RRM2: variants seen among roughly 807,000 people sequenced by gnomAD.
RRM2 encodes the protein ribonucleotide reductase regulatory subunit M2, also known as ribonucleoside-diphosphate reductase subunit M2.
A neutral mutation model predicts 45.9 loss-of-function variants in RRM2; 6 were observed. That is an observed-to-expected ratio of 0.13 (90% CI 0.07 to 0.26). The LOEUF (loss-of-function observed/expected upper bound fraction) is 0.26. Among genes scored for constraint, RRM2 ranks in the 10% least tolerant of loss-of-function variants. The probability of loss-of-function intolerance (pLI) is 1.00; values close to 1 mark genes in which losing one functional copy is unlikely to be tolerated. For synonymous variants in RRM2, 177 were observed against 173.0 expected (o/e 1.02, Z -0.18); for missense variants, 343 against 489.5 (o/e 0.70, Z 2.82).
chr2:10,165,902 G>T (rs1390921231), intron 3 of RRM2, among the ~76,000 whole-genome samples: 1 of 152,206 alleles, frequency 6.6e-6, no homozygotes, highest in East Asian at 1.9e-4. Flanking sequence ...CAGATCTTTT[G>T]CTGAGGAGCT....
At chr2:10,203,489 G>A (rs1434253634) in intron 3 of RRM2, among the ~76,000 whole-genome samples, 2 of 152,110 alleles carry the variant, frequency 1.3e-5, no homozygotes, top group South Asian at 2.1e-4. Flanking sequence ...AGTGGCTCAC[G>A]CCTGTAATCC....
chr2:10,164,731 T>C (rs1663645127), intron 3 of RRM2, among the ~76,000 whole-genome samples: 1 of 152,194 alleles, frequency 6.6e-6, no homozygotes, highest in Admixed American at 6.5e-5. Flanking sequence ...CCATTTCCTA[T>C]CTGGGCGGCC....
intron 3 of RRM2, among the ~76,000 whole-genome samples, chr2:10,164,340 C>G (rs568186774): frequency 6.6e-6 from 1 of 152,206 alleles, no homozygotes; most frequent in Non-Finnish European, 1.5e-5. Context: ...ATCATATCAT[C>G]TATCCACATC....
At chr2:10,182,261 C>T (rs1664075304) in intron 3 of RRM2, among the ~76,000 whole-genome samples, 1 of 151,930 alleles carries the variant, frequency 6.6e-6, no homozygotes, top group African/African-American at 2.4e-5. Context: ...TTGCTTAAAC[C>T]CGGGAGGCGG....
exon 4 of RRM2, chr2:10,210,832 G>A: frequency 2.9e-6 from 1 of 349,026 alleles, no homozygotes; most frequent in South Asian, 2.2e-5. Context: ...GGCCGTGAGG[G>A]TGGAGACCCA....
At position 10,126,183 on chromosome 2, in the gene RRM2, AAAAAAAAAAGC is replaced by A. The variant is rs1662775627; in HGVS notation, c.570-691_570-681del. 3.9e-5 allele frequency among the ~76,000 whole-genome samples: 2 copies of A among 51,434 alleles called. 1 individual carries two copies. The highest frequency in any genetic ancestry group is 1.8e-4 in the African/African-American group (2 of 11,194). 33.7% of individuals were successfully genotyped at this position (51,434 alleles called of 152,430 possible). ...TCTTTAAAAAAAAAAAAAAAAAAAA[AAAAAAAAAAGC>A]TGCCCAATGTCTGGTGCCCTTGGCT... On this transcript the variant is annotated intron_variant, in intron 5 of 9. Transcript: ENST00000304567.
intron 4 of RRM2, 50 bp downstream of exon 4, chr2:10,123,902 C>A (rs770553758): frequency 9.8e-6 from 10 of 1,019,082 alleles, no homozygotes; most frequent in South Asian, 1.3e-5. Flanking sequence ...GATCTGAGGT[C>A]GAACTAGTTC....
Position 10,196,388 on chromosome 2 carries a change from A to G in RRM2, n.483-13923A>G, listed in dbSNP as rs529100044. On this transcript the variant is annotated intron_variant and non_coding_transcript_variant, in intron 3 of 3. Transcript: ENST00000381786. ...GGGTTTCATCTCGGGACACAGTGGCATTAGGGATCGGCAGAGACCAGCAGG... is the reference window on the plus strand; with the variant it reads ...GGGTTTCATCTCGGGACACAGTGGCGTTAGGGATCGGCAGAGACCAGCAGG... 2.0e-5 allele frequency among the ~76,000 whole-genome samples: 3 copies of G among 152,288 alleles called. No homozygotes were observed. In the South Asian group the frequency reaches 6.2e-4, roughly 32 times the overall value.
intron 3 of RRM2, among the ~76,000 whole-genome samples, chr2:10,175,551 C>T (rs1558397575): frequency 6.6e-6 from 1 of 152,130 alleles, no homozygotes; most frequent in Non-Finnish European, 1.5e-5. Context: ...CTCCCCGCAG[C>T]CCCTGGTAAA....
intron 3 of RRM2, among the ~76,000 whole-genome samples, chr2:10,173,479 C>G (rs547665972): frequency 6.6e-6 from 1 of 152,148 alleles, no homozygotes; most frequent in Non-Finnish European, 1.5e-5. Flanking sequence ...CCAGCACCCC[C>G]GCAAACCTCC....
intron 3 of RRM2, among the ~76,000 whole-genome samples, chr2:10,189,362 C>T (rs2125328225): frequency 6.6e-6 from 1 of 152,328 alleles, no homozygotes; most frequent in African/African-American, 2.4e-5. Context: ...ACAGGAATGG[C>T]TCATCAGCCA....
At chr2:10,156,190 T>C (rs1663420933) in intron 3 of RRM2, 2 of 152,258 alleles carry the variant, frequency 1.3e-5, no homozygotes, top group Admixed American at 6.5e-5. Context: ...GAGAATTGGC[T>C]TGTGTCACAC....
intron 5 of RRM2, among the ~76,000 whole-genome samples, chr2:10,125,682 C>A (rs7577887): frequency 0.74 from 112,783 of 151,554 alleles, 43,145 homozygotes; most frequent in African/African-American, 0.9. Flanking sequence ...AAAGCAAAAC[C>A]AAGCAAAAAA....
In RRM2 at chr2:10,127,657, A is replaced by G. The variant is rs904951945; in HGVS notation, c.798+437A>G. 6.6e-6 allele frequency among the ~76,000 whole-genome samples: 1 copy of G among 151,758 alleles called. No individual in the cohort carries two copies. The highest frequency in any genetic ancestry group is 2.4e-5 in the African/African-American group (1 of 41,352). ...GCCCAGCTAATTTTCGTCTTTTTAT[A>G]CAGACGGGGTTTCACCATGTTTGCC... is the stretch of plus-strand genomic sequence containing the variant. On this transcript the variant is annotated intron_variant, in intron 7 of 9. Coordinates refer to ENST00000304567, the MANE Select transcript of RRM2 (RefSeq NM_001034.4). The surrounding 1 kb of genome is among the most constrained non-coding windows in gnomAD (Gnocchi z 4.1).
rs763179976 is a variant in RRM2 at position 10,129,080 on chromosome 2, A to G, written c.943A>G (p.Met315Val). ...TEALPVKLIG[M>V]NCTLMKQYIE... ...GGCCTTGCCTGTGAAGCTCATTGGG[A>G]TGAATTGCACTCTAATGAAGCAATA... is the stretch of plus-strand genomic sequence containing the variant. Residue 315 changes from methionine to valine, a missense_variant, in exon 9 of 10, where the codon ATG becomes GTG. This residue lies in a region of RRM2 where 212 missense variants were observed against 368.1 expected (regional missense o/e 0.58). Transcript: ENST00000304567. This position sits in a 1 kb window ranked among gnomAD's most constrained non-coding sequence, Gnocchi z 4.8. 1.2e-6 allele frequency: 2 copies of G among 1,614,174 alleles called. No homozygotes were observed. Among genetic ancestry groups the G allele is most frequent in the Non-Finnish European group, 1.7e-6 (2 of 1,180,024 alleles).
intron 2 of RRM2, chr2:10,142,086 G>A (rs1353082566): frequency 1.9e-6 from 3 of 1,593,182 alleles, no homozygotes; most frequent in Non-Finnish European, 1.7e-6. Context: ...GGTTAGGGGA[G>A]GAAAGCATGT....
At chr2:10,131,564 C>A (rs570168023), downstream of RRM2, 25 of 152,110 alleles carry the variant, frequency 1.6e-4, no homozygotes, top group African/African-American at 5.6e-4. Context: ...CATGGTGACA[C>A]CCCATCTCTA....
chr2:10,146,410 T>C (rs1264222814), intron 3 of RRM2, among the ~76,000 whole-genome samples: 1 of 152,168 alleles, frequency 6.6e-6, no homozygotes, highest in Non-Finnish European at 1.5e-5. Flanking sequence ...CCCTGGTAAT[T>C]CTCATGTGCA....
At chr2:10,202,589 G>A (rs897008961) in intron 3 of RRM2, among the ~76,000 whole-genome samples, 2 of 151,566 alleles carry the variant, frequency 1.3e-5, no homozygotes, top group African/African-American at 2.4e-5. Flanking sequence ...TTTTATTTTG[G>A]GGTGAGAAGG....
Sources: allele counts gnomAD v4.1 joint callset (sites outside exome capture counted in the v4.1 genomes callset), GRCh38; gene constraint gnomAD v4.1.1; regional missense constraint gnomAD v4.1.1; non-coding constraint Gnocchi (gnomAD v3.1); transcripts MANE v1.5; gene names NCBI Gene and HGNC (gene_info 2026-07-23, HGNC 2026-07-21).